The following TRIM9 variants were observed in gnomAD, a reference collection of about 807,000 sequenced individuals.
TRIM9 encodes the protein E3 ubiquitin-protein ligase TRIM9.
In TRIM9, 26 loss-of-function variants were observed where a neutral mutation model predicts 78.3. That is an observed-to-expected ratio of 0.33 (90% CI 0.24 to 0.46). TRIM9 has a LOEUF of 0.46. TRIM9 is among the 20% of genes least tolerant of loss of function. The pLI, the probability that TRIM9 is intolerant of heterozygous loss-of-function variation, is 1.00. For missense variants in TRIM9, 787 were observed against 1,036.4 expected, an observed-to-expected ratio of 0.76 and a Z score of 3.30; for synonymous variants, 398 against 416.5, an observed-to-expected ratio of 0.96 and a Z score of 0.54.
At chr14:51,012,723 AT>A in intron 3 of TRIM9, among the ~76,000 whole-genome samples, 1 of 152,122 alleles carries the variant, frequency 6.6e-6, no homozygotes, top group Admixed American at 6.5e-5. Flanking sequence ...CACACTTATT[AT>A]TTTCTGATTT....
intron 1 of TRIM9, among the ~76,000 whole-genome samples, chr14:51,061,612 C>T (rs1158625006): frequency 6.6e-6 from 1 of 151,924 alleles, no homozygotes; most frequent in African/African-American, 2.4e-5. Flanking sequence ...AAATATATTC[C>T]CCTATATTTT....
At chr14:51,018,830 CA>C (rs1290288828) in intron 3 of TRIM9, among the ~76,000 whole-genome samples, 1 of 152,134 alleles carries the variant, frequency 6.6e-6, no homozygotes, top group Non-Finnish European at 1.5e-5. Context: ...ATAACTGTAA[CA>C]TTTTTTTTCT....
chr14:51,079,913 G>A (rs1482249076), intron 1 of TRIM9, among the ~76,000 whole-genome samples: 1 of 152,218 alleles, frequency 6.6e-6, no homozygotes, highest in African/African-American at 2.4e-5. Flanking sequence ...AGATACACAG[G>A]AGACTACAGA....
intron 6 of TRIM9, among the ~76,000 whole-genome samples, chr14:50,998,414 A>T (rs370608455): frequency 6.2e-4 from 95 of 152,310 alleles, no homozygotes; most frequent in African/African-American, 2.2e-3. Context: ...AGGATTACTT[A>T]ATGTTGTATA....
intron 1 of TRIM9, among the ~76,000 whole-genome samples, chr14:51,026,007 C>T (rs996408525): frequency 3.3e-5 from 5 of 152,160 alleles, no homozygotes; most frequent in Admixed American, 6.5e-5. Flanking sequence ...CCCATCCATA[C>T]GAGGAGGCAG....
intron 1 of TRIM9, among the ~76,000 whole-genome samples, chr14:51,069,299 C>T (rs1276977296): frequency 2.0e-5 from 3 of 152,306 alleles, no homozygotes; most frequent in Admixed American, 6.5e-5. Context: ...ATCTAGACCA[C>T]TGGTTCTCAT....
chr14:50,997,209 C>T (rs779250823), intron 7 of TRIM9: 2 of 985,276 alleles, frequency 2.0e-6, no homozygotes, highest in East Asian at 1.1e-4. Context: ...CTTGCTTACT[C>T]TTAAAATGAA....
At chr14:51,077,406 T>C (rs1023731682) in intron 1 of TRIM9, among the ~76,000 whole-genome samples, 1 of 133,764 alleles carries the variant, frequency 7.5e-6, no homozygotes, top group Non-Finnish European at 1.7e-5. Flanking sequence ...TTTTTTTTTT[T>C]TTTTGAGACA....
intron 3 of TRIM9, among the ~76,000 whole-genome samples, chr14:51,010,811 A>G (rs530873971): frequency 6.6e-6 from 1 of 152,302 alleles, no homozygotes; most frequent in Non-Finnish European, 1.5e-5. Flanking sequence ...TTTTCTGTGA[A>G]GCTGACTCTG....
At chr14:51,000,974 ATC>A in intron 5 of TRIM9, 134 bp from the exon 6 acceptor site, 3 of 1,048,762 alleles carry the variant, frequency 2.9e-6, no homozygotes, top group Non-Finnish European at 4.2e-6. Context: ...ACTGAACAGG[ATC>A]CTTCACAGAG....
chr14:50,999,679 C>T (rs962891730), intron 6 of TRIM9, among the ~76,000 whole-genome samples: 2 of 152,118 alleles, frequency 1.3e-5, no homozygotes, highest in Non-Finnish European at 1.5e-5. Context: ...CTCATCCTCA[C>T]GGGCCTGAGG....
chr14:50,995,360 G>A (rs2139450781), intron 7 of TRIM9, among the ~76,000 whole-genome samples: 1 of 152,154 alleles, frequency 6.6e-6, no homozygotes, highest in Admixed American at 6.5e-5. Flanking sequence ...GTAAACTCCA[G>A]GACAGTAGGG....
chr14:51,050,531 C>A (rs890281741), intron 1 of TRIM9, among the ~76,000 whole-genome samples: 2 of 152,138 alleles, frequency 1.3e-5, no homozygotes, highest in African/African-American at 2.4e-5. Flanking sequence ...TCTTTATCAG[C>A]AGCATGGGAA....
chr14:50,983,296 G>C, intron 9 of TRIM9, 84 bp downstream of exon 9: 1 of 1,150,944 alleles, frequency 8.7e-7, no homozygotes, highest in Non-Finnish European at 1.2e-6. Flanking sequence ...ATTGACATAA[G>C]ACAAGTTGCC....
At chr14:50,979,280 G>C (rs2051493715) in intron 12 of TRIM9, 107 bp downstream of exon 12, 1 of 1,592,932 alleles carries the variant, frequency 6.3e-7, no homozygotes, top group African/African-American at 1.3e-5. Context: ...CTTGGTCTGG[G>C]CCTTACGCTG....
chr14:51,056,042 C>T (rs74054009), intron 1 of TRIM9, among the ~76,000 whole-genome samples: 3,788 of 152,282 alleles, frequency 0.025, 162 homozygotes, highest in African/African-American at 0.087. Flanking sequence ...AAAAACTAAC[C>T]TCACTACTCA....
intron 1 of TRIM9, among the ~76,000 whole-genome samples, chr14:51,075,721 G>A (rs1337226850): frequency 6.6e-6 from 1 of 152,224 alleles, no homozygotes; most frequent in African/African-American, 2.4e-5. Context: ...CAGCGGGGAT[G>A]CCTGAGCTGC....
At chr14:51,034,147 G>T (rs75828197) in intron 1 of TRIM9, among the ~76,000 whole-genome samples, 6,851 of 151,952 alleles carry the variant, frequency 0.045, 243 homozygotes, top group East Asian at 0.1. Flanking sequence ...TTTCCGAATT[G>T]TTTTCCAGTT....
intron 1 of TRIM9, among the ~76,000 whole-genome samples, chr14:51,053,561 T>A (rs73288898): frequency 0.17 from 23,208 of 135,924 alleles, 2,152 homozygotes; most frequent in African/African-American, 0.21. Flanking sequence ...TTATTTATTT[T>A]TTTTTACTTT....
Sources: allele counts gnomAD v4.1 joint callset (sites outside exome capture counted in the v4.1 genomes callset), GRCh38; gene constraint gnomAD v4.1.1; transcripts MANE v1.5; gene names NCBI Gene and HGNC (gene_info 2026-07-23, HGNC 2026-07-21).